The following CFAP54 variants were observed in gnomAD, a reference collection of about 807,000 sequenced individuals.
CFAP54 encodes cilia and flagella associated protein 54.
In CFAP54, 290 loss-of-function variants were observed where a neutral mutation model predicts 370.4. The ratio of observed to expected loss-of-function variants is 0.78; its 90% confidence interval spans 0.71 to 0.86. The LOEUF (loss-of-function observed/expected upper bound fraction) is 0.86, where lower values mean the gene tolerates loss of function less well. CFAP54 is among the 40% of genes least tolerant of loss of function. The pLI, the probability that CFAP54 is intolerant of heterozygous loss-of-function variation, is 0.00. For synonymous variants in CFAP54, 1,206 were observed against 1,236.5 expected (o/e 0.98, Z 0.52); for missense variants, 3,399 against 3,528.7 (o/e 0.96, Z 0.93).
intron 50 of CFAP54, among the ~76,000 whole-genome samples, chr12:96,734,047 A>G (rs746523636): frequency 2.3e-5 from 3 of 128,892 alleles, no homozygotes; most frequent in African/African-American, 9.7e-5. Flanking sequence ...ACTCCATGCT[A>G]TGTTTGTTGT....
chr12:96,680,203 T>A (rs997914347), intron 40 of CFAP54, among the ~76,000 whole-genome samples: 2 of 152,252 alleles, frequency 1.3e-5, no homozygotes, highest in Non-Finnish European at 2.9e-5. Flanking sequence ...TTATTAATAC[T>A]ATAGATTTTG....
chr12:96,733,550 T>TC (rs1246944721), intron 50 of CFAP54, among the ~76,000 whole-genome samples: 1 of 151,668 alleles, frequency 6.6e-6, no homozygotes, highest in Non-Finnish European at 1.5e-5. Flanking sequence ...GGGTTTTTTT[T>TC]TTTTTTTTTA....
intron 55 of CFAP54, among the ~76,000 whole-genome samples, chr12:96,753,205 T>A (rs779963451): frequency 1.3e-5 from 2 of 152,204 alleles, no homozygotes; most frequent in African/African-American, 2.4e-5. Flanking sequence ...AGTAAAAACA[T>A]GTTAAATAAT....
intron 23 of CFAP54, among the ~76,000 whole-genome samples, chr12:96,590,634 C>T (rs935963562): frequency 3.9e-5 from 6 of 152,272 alleles, no homozygotes; most frequent in East Asian, 1.9e-4. Context: ...GTATGGGTTT[C>T]AGAGGCATTT....
At chr12:96,666,211 C>T (rs116896936) in intron 39 of CFAP54, among the ~76,000 whole-genome samples, 2,548 of 152,196 alleles carry the variant, frequency 0.017, 38 homozygotes, top group Non-Finnish European at 0.028. Flanking sequence ...TTTATGAATG[C>T]TTTTGGTATT....
intron 9 of CFAP54, among the ~76,000 whole-genome samples, chr12:96,529,770 T>G (rs1955421085): frequency 6.6e-6 from 1 of 152,206 alleles, no homozygotes; most frequent in East Asian, 1.9e-4. Context: ...CATTTCTTAC[T>G]TGATGGCTTG....
chr12:96,551,856 A>C (rs192276036), intron 15 of CFAP54, among the ~76,000 whole-genome samples: 1 of 152,340 alleles, frequency 6.6e-6, no homozygotes, highest in Admixed American at 6.5e-5. Context: ...TAACCACATA[A>C]AGCTATCTGT....
intron 4 of CFAP54, among the ~76,000 whole-genome samples, chr12:96,511,502 G>A (rs750363025): frequency 3.3e-5 from 5 of 152,096 alleles, no homozygotes; most frequent in African/African-American, 4.8e-5. Context: ...GTTTTTAGTA[G>A]AGATGGGGTT....
chr12:96,562,338 A>G (rs1462663144), intron 17 of CFAP54, among the ~76,000 whole-genome samples: 1 of 151,972 alleles, frequency 6.6e-6, no homozygotes, highest in East Asian at 1.9e-4. Context: ...GTCATACATC[A>G]GAGAACTGTG....
At chr12:96,862,554 G>T (rs1354158805) in intron 67 of CFAP54, among the ~76,000 whole-genome samples, 1 of 152,070 alleles carries the variant, frequency 6.6e-6, no homozygotes, top group Non-Finnish European at 1.5e-5. Context: ...TGATGGCCTG[G>T]CCTCCAGGGC....
rs759873854 is a variant in CFAP54, at chr12:96,527,224, CT to C, written c.1159-12del. 558 of 1,356,508 alleles carry C rather than the reference CT, an allele frequency of 4.1e-4. 1 individual carries two copies. The African/African-American group carries it at 4.2e-3, about 10-fold the overall frequency. The allele number at this position is 1,356,508 out of a possible 1,614,324, so 84.0% of individuals were successfully genotyped here. A position where few individuals can be genotyped will look rare whatever the true frequency, so the allele number is the denominator to read the frequency against. On this transcript the variant is annotated intron_variant, in intron 8 of 67. Transcript: ENST00000524981. The stretch of plus-strand genomic sequence containing the variant: ...TAATAGCTTTAACAAATGGACTGAA[CT>C]TTTTTTTTTCTCAATTTCAGTTATC...
At chr12:96,558,144 T>G (rs1955774371) in intron 17 of CFAP54, among the ~76,000 whole-genome samples, 1 of 152,180 alleles carries the variant, frequency 6.6e-6, no homozygotes, top group African/African-American at 2.4e-5. Context: ...TTACATGTGT[T>G]CATGATATTA....
At chr12:96,642,089 G>A (rs917495051) in intron 32 of CFAP54, among the ~76,000 whole-genome samples, 4 of 151,088 alleles carry the variant, frequency 2.6e-5, no homozygotes, top group East Asian at 3.9e-4. Flanking sequence ...AAAAAGAAAA[G>A]AATGGTATTT....
chr12:96,719,438 A>T (rs1223849997), intron 49 of CFAP54, among the ~76,000 whole-genome samples: 1 of 152,218 alleles, frequency 6.6e-6, no homozygotes, highest in Non-Finnish European at 1.5e-5. Flanking sequence ...ATCTTCTGCC[A>T]TGTTAGGCTG....
At chr12:96,680,029 A>G (rs1957253174) in intron 40 of CFAP54, among the ~76,000 whole-genome samples, 1 of 152,186 alleles carries the variant, frequency 6.6e-6, no homozygotes, top group Non-Finnish European at 1.5e-5. Context: ...CTGTACATTT[A>G]TGTTCTTCTT....
intron 26 of CFAP54, among the ~76,000 whole-genome samples, chr12:96,614,767 CA>C (rs1292496954): frequency 6.6e-6 from 1 of 152,166 alleles, no homozygotes; most frequent in African/African-American, 2.4e-5. Context: ...ACAATTGCTT[CA>C]AAGAGAATAA....
At chr12:96,789,190 C>T (rs1453433610) in intron 62 of CFAP54, among the ~76,000 whole-genome samples, 1 of 152,180 alleles carries the variant, frequency 6.6e-6, no homozygotes, top group Non-Finnish European at 1.5e-5. Context: ...AGAGTGTTCA[C>T]TTCCTGCAAA....
In CFAP54 at chr12:96,594,464, C is replaced by A; in HGVS notation, c.3516+18C>A. 6.9e-7 allele frequency: 1 copy of A among 1,442,472 alleles called. No homozygotes were observed. Among genetic ancestry groups the A allele is most frequent in the Admixed American group, 2.2e-5 (1 of 46,134 alleles). The allele number at this position is 1,442,472 out of a possible 1,614,324, so 89.4% of individuals were successfully genotyped here. The stretch of plus-strand genomic sequence containing the variant: ...TTGTACAGGTAAGGGTATTCCTCTC[C>A]CCAAGAGAAGGGAATCTTTATAAAG... On this transcript the variant is annotated intron_variant, in intron 25 of 67. Coordinates refer to ENST00000524981, the MANE Select transcript of CFAP54 (RefSeq NM_001306084.2).
At chr12:96,589,671 AATC>A (rs66781891) in intron 23 of CFAP54, 108 bp downstream of exon 23, 498,917 of 646,996 alleles carry the variant, frequency 0.77, 196,075 homozygotes, top group Admixed American at 0.83. Flanking sequence ...GTCCATATAC[AATC>A]ATCATTTCTA....
Sources: allele counts gnomAD v4.1 joint callset (sites outside exome capture counted in the v4.1 genomes callset), GRCh38; gene constraint gnomAD v4.1.1; transcripts MANE v1.5; gene names NCBI Gene and HGNC (gene_info 2026-07-23, HGNC 2026-07-21).